Variants in ANKRD36C observed in about 807,000 individuals in gnomAD.
The protein encoded by ANKRD36C is ankyrin repeat domain-containing protein 36C.
In ANKRD36C, 61 loss-of-function variants were observed where a neutral mutation model predicts 276.4. The ratio of observed to expected loss-of-function variants is 0.22; its 90% confidence interval spans 0.18 to 0.27. The LOEUF is 0.27. Among genes scored for constraint, ANKRD36C ranks in the 10% least tolerant of loss-of-function variants. ANKRD36C has a pLI of 1.00. For synonymous variants in ANKRD36C, 483 were observed against 680.1 expected, an observed-to-expected ratio of 0.71 and a Z score of 4.51; for missense variants, 1,447 against 2,032.3, an observed-to-expected ratio of 0.71 and a Z score of 5.54.
intron 46 of ANKRD36C, 125 bp from the exon 67 acceptor site, chr2:95,890,119 T>C: frequency 7.7e-7 from 1 of 1,292,178 alleles, no homozygotes; most frequent in African/African-American, 1.5e-5. Context: ...TGATGGCTTC[T>C]ATATTGTGTC....
chr2:95,972,523 A>G (rs1280535062), intron 6 of ANKRD36C, among the ~76,000 whole-genome samples: 2 of 152,198 alleles, frequency 1.3e-5, no homozygotes, highest in African/African-American at 4.8e-5. Context: ...TTTACTATGT[A>G]TTCTTTCACT....
intron 3 of ANKRD36C, among the ~76,000 whole-genome samples, chr2:95,985,729 C>T (rs1013409216): frequency 1.3e-5 from 2 of 152,126 alleles, no homozygotes; most frequent in African/African-American, 2.4e-5. Flanking sequence ...TTCCCTTTAT[C>T]GTTTGGGATT....
At position 95,880,559 on chromosome 2, in the gene ANKRD36C, G is replaced by T. The variant is rs199618189; in HGVS notation, c.3396+36C>A. 8.7e-3 allele frequency: 13,317 copies of T among 1,533,134 alleles called. 67 individuals carry two copies. Among genetic ancestry groups the T allele is most frequent in the Non-Finnish European group, 0.01 (11,681 of 1,131,806 alleles). The allele number at this position is 1,533,134 out of a possible 1,614,324, so 95.0% of individuals were successfully genotyped here. On this transcript the variant is annotated intron_variant, in intron 57 of 66. Transcript: ENST00000456556. The stretch of plus-strand genomic sequence containing the variant: ...GATGTATATTGGTATAGGTTATGCA[G>T]TTAATAATTAAAAATATAAATGTAA...
chr2:95,892,241 C>T (rs1676390314), intron 44 of ANKRD36C, among the ~76,000 whole-genome samples: 1 of 151,462 alleles, frequency 6.6e-6, no homozygotes, highest in African/African-American at 2.4e-5. Flanking sequence ...TTTCATGCAA[C>T]AAATCAAAAG....
chr2:95,853,949 G>A (rs1573716270), intron 63 of ANKRD36C, 88 bp from the exon 84 acceptor site: 1 of 1,478,822 alleles, frequency 6.8e-7, no homozygotes, highest in Non-Finnish European at 9.0e-7. Context: ...CATACGCTTT[G>A]AAAAATATCA....
chr2:95,960,965 G>A (rs1678446047), intron 8 of ANKRD36C, among the ~76,000 whole-genome samples: 1 of 152,078 alleles, frequency 6.6e-6, no homozygotes, highest in South Asian at 2.1e-4. Context: ...GAGGACAAAT[G>A]TGATCTAAAA....
rs1489131479 is a variant in ANKRD36C, at chr2:95,897,552, G to A, written c.2755+1593C>T. Reference sequence around the variant, plus strand: ...TCATGCAGTGTTAGCATCAACCTCCGTCCTCCTGCCTGTATTAGCGTAGGC... The same window carrying A: ...TCATGCAGTGTTAGCATCAACCTCCATCCTCCTGCCTGTATTAGCGTAGGC... On this transcript the variant is annotated intron_variant, in intron 44 of 66. Transcript: ENST00000456556. 1.2e-5 allele frequency: 18 copies of A among 1,493,476 alleles called. 2 individuals are homozygous for A. Among genetic ancestry groups the A allele is most frequent in the African/African-American group, 5.6e-5 (4 of 70,824 alleles). 92.5% of individuals were successfully genotyped at this position (1,493,476 alleles called of 1,614,324 possible). A position where few individuals can be genotyped will look rare whatever the true frequency, so the allele number is the denominator to read the frequency against.
At chr2:95,989,075 G>A (rs1344580660) in intron 1 of ANKRD36C, among the ~76,000 whole-genome samples, 1 of 152,070 alleles carries the variant, frequency 6.6e-6, no homozygotes, top group Non-Finnish European at 1.5e-5. Context: ...AGGCTGAGGT[G>A]GGAGAATCAC....
chr2:95,871,052 A>T (rs1675798695), intron 59 of ANKRD36C, among the ~76,000 whole-genome samples: 2 of 152,218 alleles, frequency 1.3e-5, no homozygotes, highest in Admixed American at 1.3e-4. Flanking sequence ...GGTGTACCTG[A>T]AAGTCACGGG....
At chr2:95,863,732 A>C (rs4063049) in intron 60 of ANKRD36C, among the ~76,000 whole-genome samples, 18 of 152,288 alleles carry the variant, frequency 1.2e-4, no homozygotes, top group African/African-American at 3.8e-4. Flanking sequence ...GACATAAGCT[A>C]ATCTGAAAAG....
At position 95,889,916 on chromosome 2, in the gene ANKRD36C, T is replaced by C. The variant is rs1328247977; in HGVS notation, c.2887-45A>G. On this transcript the variant is annotated intron_variant, in intron 47 of 66. Coordinates refer to ENST00000456556, the Ensembl canonical transcript of ANKRD36C. ...CAACAGTCAATAAATAAAGTATGTTTCATAGACTATACAGTTAATAGTTCA... is the reference window on the plus strand; with the variant it reads ...CAACAGTCAATAAATAAAGTATGTTCCATAGACTATACAGTTAATAGTTCA... 1.2e-5 allele frequency: 19 copies of C among 1,608,848 alleles called. No individual in the cohort carries two copies. The Admixed American group carries it at 3.0e-4, about 26-fold the overall frequency.
At chr2:95,857,556 T>C in intron 61 of ANKRD36C, 64 bp from the exon 82 acceptor site, 1 of 1,489,386 alleles carries the variant, frequency 6.7e-7, no homozygotes, top group Non-Finnish European at 9.0e-7. Context: ...TTTTTTATCT[T>C]ACCCAAATTC....
In ANKRD36C at chr2:95,960,467, A is replaced by T. The variant is rs1413245542; in HGVS notation, c.1003+6T>A. The T allele has an allele frequency of 6.5e-7, 1 of 1,539,414 alleles. No individual in the cohort carries two copies. The highest frequency in any genetic ancestry group is 8.7e-7 in the Non-Finnish European group (1 of 1,145,766). ...ACGTGGCATTAAATGTGTATTGCAA[A>T]ATTACCTGTCCCAGATTTTTGTTCA... On this transcript the variant is annotated splice_donor_region_variant and intron_variant, in intron 10 of 66. Transcript: ENST00000456556.
At chr2:95,984,072 T>C (rs1678977597) in intron 3 of ANKRD36C, among the ~76,000 whole-genome samples, 1 of 152,142 alleles carries the variant, frequency 6.6e-6, no homozygotes, top group African/African-American at 2.4e-5. Context: ...AGATAAATAG[T>C]TTATAAAACA....
intron 48 of ANKRD36C, 90 bp downstream of exon 68, chr2:95,889,709 A>G (rs1676288135): frequency 4.8e-6 from 7 of 1,473,162 alleles, no homozygotes; most frequent in Non-Finnish European, 6.5e-6. Flanking sequence ...GAACATGAAG[A>G]TTTGACGAAC....
intron 32 of ANKRD36C, 121 bp downstream of exon 32, chr2:95,923,374 A>C (rs1279598702): frequency 3.0e-6 from 4 of 1,327,814 alleles, no homozygotes; most frequent in Non-Finnish European, 4.2e-6. Flanking sequence ...CAAATGAAGA[A>C]TCTCCGGCCT....
At chr2:95,871,717 C>A (rs1558622095) in intron 59 of ANKRD36C, among the ~76,000 whole-genome samples, 1 of 152,086 alleles carries the variant, frequency 6.6e-6, no homozygotes, top group Non-Finnish European at 1.5e-5. Context: ...AAGACACAGA[C>A]TGGCAAATTG....
intron 40 of ANKRD36C, 49 bp from the exon 43 acceptor site, chr2:95,912,484 G>A (rs1415875019): frequency 1.2e-6 from 2 of 1,603,242 alleles, no homozygotes; most frequent in South Asian, 1.1e-5. Context: ...ATATGATAAA[G>A]TTATCCATAC....
At position 95,919,570 on chromosome 2, in the gene ANKRD36C, C is replaced by A. The variant is rs561333454; in HGVS notation, c.2246-1528G>T. Among the ~76,000 whole-genome samples the A allele has an allele frequency of 3.8e-5, 5 of 131,918 alleles. 1 individual carries two copies. The highest frequency in any genetic ancestry group is 8.4e-5 in the Non-Finnish European group (5 of 59,654). The allele number at this position is 131,918 out of a possible 152,430, so 86.5% of individuals were successfully genotyped here. ...TCATGTTCCAGGCCAACAGCATTAG[C>A]GTCTCCCAAGAAATTTATTACAAAT... On this transcript the variant is annotated intron_variant, in intron 34 of 66. Transcript: ENST00000456556.
Sources: gnomAD v4.1 joint callset for allele counts (sites outside exome capture counted in the v4.1 genomes callset) on GRCh38, gnomAD v4.1.1 for gene constraint, MANE v1.5 for transcripts, NCBI Gene and HGNC (gene_info 2026-07-23, HGNC 2026-07-21) for gene names.